MYB: variants seen among roughly 807,000 people sequenced by gnomAD.
MYB encodes MYB proto-oncogene, transcription factor, also known as transcriptional activator Myb.
MYB carries 28 observed loss-of-function variants against 92.9 expected under a neutral mutation model. That is an observed-to-expected ratio of 0.30 (90% CI 0.22 to 0.41). MYB has a LOEUF of 0.41. Among genes scored for constraint, MYB ranks in the 10% least tolerant of loss-of-function variants. The probability of loss-of-function intolerance (pLI) is 1.00; values close to 1 mark genes in which losing one functional copy is unlikely to be tolerated. For synonymous variants in MYB, 295 were observed against 329.1 expected (o/e 0.90, Z 1.12); for missense variants, 679 against 929.3 (o/e 0.73, Z 3.50).
In MYB at chr6:135,218,066, A is replaced by G; in HGVS notation, c.*86A>G. ...TTCCTCAACATGAAACTTTTCATGA[A>G]TGGGAGAAGAACCTATTTTTGTTGT... On this transcript the variant is annotated 3_prime_UTR_variant, in exon 16 of 16. Transcript: ENST00000341911. 9.5e-7 allele frequency: 1 copy of G among 1,053,094 alleles called. No individual in the cohort carries two copies. Among genetic ancestry groups the G allele is most frequent in the Non-Finnish European group, 1.5e-6 (1 of 675,990 alleles). The allele number at this position is 1,053,094 out of a possible 1,614,324, so 65.2% of individuals were successfully genotyped here. A position where few individuals can be genotyped will look rare whatever the true frequency, so the allele number is the denominator to read the frequency against.
chr6:135,196,764 G>A, intron 9 of MYB, 197 bp from the exon 10 acceptor site: 2 of 1,529,476 alleles, frequency 1.3e-6, no homozygotes, highest in Admixed American at 3.9e-5. Context: ...ACATCAGAGG[G>A]CCAGCCTTGA....
At chr6:135,184,434 A>G (rs1775656318) in intron 1 of MYB, among the ~76,000 whole-genome samples, 1 of 146,460 alleles carries the variant, frequency 6.8e-6, no homozygotes, top group African/African-American at 2.6e-5. Flanking sequence ...GAACTAGGCT[A>G]TTGTTTCAAA....
intron 15 of MYB, among the ~76,000 whole-genome samples, chr6:135,209,552 A>G (rs1003150062): frequency 1.3e-5 from 2 of 152,200 alleles, no homozygotes; most frequent in African/African-American, 4.8e-5. Context: ...GTGAATTTTA[A>G]TAATCCAGAG....
chr6:135,212,224 C>CTTTTTTTTTTTTTTTTT lies in MYB; in HGVS notation c.2170-5623_2170-5607dup, dbSNP rs545704827. 2.1e-4 allele frequency among the ~76,000 whole-genome samples: 7 copies of CTTTTTTTTTTTTTTTTT among 32,882 alleles called. 1 individual carries two copies. The highest frequency in any genetic ancestry group is 5.7e-4 in the African/African-American group (5 of 8,774). The allele number at this position is 32,882 out of a possible 152,430, so 21.6% of individuals were successfully genotyped here. A position where few individuals can be genotyped will look rare whatever the true frequency, so the allele number is the denominator to read the frequency against. On this transcript the variant is annotated intron_variant, in intron 15 of 15. Transcript: ENST00000341911. The stretch of plus-strand genomic sequence containing the variant: ...CATCTGATGAGTTGCTTTGGTTTTA[C>CTTTTTTTTTTTTTTTTT]TTTTTTTTTTTTTTTTTTTTTTTTT...
intron 15 of MYB, 79 bp downstream of exon 15, chr6:135,203,403 GTGA>G: frequency 8.9e-7 from 1 of 1,126,156 alleles, no homozygotes; most frequent in Non-Finnish European, 1.3e-6. Flanking sequence ...GGTGGTGGTG[GTGA>G]TGGTAGTGCT....
chr6:135,186,672 C>A (rs886287687), intron 2 of MYB, among the ~76,000 whole-genome samples: 1 of 152,198 alleles, frequency 6.6e-6, no homozygotes, highest in South Asian at 2.1e-4. Context: ...ACAGAGCCAT[C>A]TATATGAAGG....
chr6:135,186,172 C>T (rs1562363448), intron 2 of MYB, 152 bp downstream of exon 2: 1 of 622,718 alleles, frequency 1.6e-6, no homozygotes, highest in Non-Finnish European at 2.8e-6. Flanking sequence ...CTATGCCCCC[C>T]ACTTCATTAT....
intron 9 of MYB, 76 bp from the exon 10 acceptor site, chr6:135,196,885 A>G (rs900911883): frequency 6.3e-7 from 1 of 1,585,150 alleles, no homozygotes; most frequent in Non-Finnish European, 8.6e-7. Context: ...TGCGTTGAGC[A>G]TCTCTCTCTC....
intron 5 of MYB, among the ~76,000 whole-genome samples, chr6:135,191,811 A>T (rs1342498773): frequency 6.6e-6 from 1 of 152,166 alleles, no homozygotes; most frequent in African/African-American, 2.4e-5. Context: ...TGGCTTTCAA[A>T]GAGTAGGAGG....
intron 3 of MYB, 99 bp downstream of exon 3, chr6:135,188,004 T>A: frequency 1.3e-6 from 1 of 772,166 alleles, no homozygotes; most frequent in Non-Finnish European, 2.0e-6. Flanking sequence ...TATAATTTAC[T>A]CACATTTAAG....
At chr6:135,185,843 T>G in intron 1 of MYB, 60 bp from the exon 2 acceptor site, 1 of 1,312,402 alleles carries the variant, frequency 7.6e-7, no homozygotes, top group East Asian at 2.3e-5. Flanking sequence ...AGTTTTGTAA[T>G]CCAGTAGTAG....
chr6:135,204,035 CAG>C, intron 15 of MYB: 1 of 336,044 alleles, frequency 3.0e-6, no homozygotes, highest in Non-Finnish European at 4.9e-6. Flanking sequence ...CAGCCACCTG[CAG>C]AGCCCTCTCC....
At chr6:135,203,564 A>G (rs1778440916) in intron 15 of MYB, 1 of 716,966 alleles carries the variant, frequency 1.4e-6, no homozygotes, top group Non-Finnish European at 2.2e-6. Flanking sequence ...TCCCCAAAGC[A>G]TGATGAAATG....
At chr6:135,197,347 T>C in intron 10 of MYB, 24 bp downstream of exon 10, 1 of 1,546,268 alleles carries the variant, frequency 6.5e-7, no homozygotes, top group Non-Finnish European at 8.8e-7. Context: ...TCTGCACAGC[T>C]GTTACTCATT....
At position 135,194,477 on chromosome 6, in the gene MYB, G is replaced by T; in HGVS notation, c.948+17G>T. 1 of 1,567,432 alleles carries T rather than the reference G, an allele frequency of 6.4e-7. No homozygotes were observed. The highest frequency in any genetic ancestry group is 8.8e-7 in the Non-Finnish European group (1 of 1,139,842). Reference sequence around the variant, plus strand: ...GTGCTACCAGTAAGACTGTCATCATGTGCTTGAATGAGGGGATAGCAGCTT... The same window carrying T: ...GTGCTACCAGTAAGACTGTCATCATTTGCTTGAATGAGGGGATAGCAGCTT... On this transcript the variant is annotated intron_variant, in intron 8 of 15. Transcript: ENST00000341911.
Position 135,218,628 on chromosome 6 carries a change from G to T in MYB, c.*648G>T. The T allele has an allele frequency of 5.4e-6, 1 of 186,586 alleles. No homozygotes were observed. The highest frequency in any genetic ancestry group is 2.3e-5 in the African/African-American group (1 of 42,794). 11.6% of individuals were successfully genotyped at this position (186,586 alleles called of 1,614,324 possible). On this transcript the variant is annotated 3_prime_UTR_variant, in exon 16 of 16. Transcript: ENST00000341911. The stretch of plus-strand genomic sequence containing the variant: ...ATTTTGTAAATGCCAAATGAAAAAC[G>T]TTTTTTGCTGCTATGGTCTTAGCCT...
intron 7 of MYB, 75 bp from the exon 8 acceptor site, chr6:135,194,281 A>G: frequency 2.7e-6 from 3 of 1,132,036 alleles, no homozygotes; most frequent in Non-Finnish European, 2.6e-6. Flanking sequence ...CCTCATGACC[A>G]TATTGGCTAC....
intron 15 of MYB, among the ~76,000 whole-genome samples, chr6:135,211,128 A>G (rs1423615412): frequency 6.7e-6 from 1 of 150,176 alleles, no homozygotes; most frequent in Non-Finnish European, 1.5e-5. Context: ...TCGTGTTGTC[A>G]TTTAAACAGA....
chr6:135,200,695 C>G (rs949305025), intron 13 of MYB: 4 of 426,132 alleles, frequency 9.4e-6, no homozygotes, highest in African/African-American at 2.0e-5. Flanking sequence ...TACTTTTAAA[C>G]ATTACTGATT....
Sources: allele counts gnomAD v4.1 joint callset (sites outside exome capture counted in the v4.1 genomes callset), GRCh38; gene constraint gnomAD v4.1.1; transcripts MANE v1.5; gene names NCBI Gene and HGNC (gene_info 2026-07-23, HGNC 2026-07-21).